The following RNF220 variants were observed in gnomAD, a reference collection of about 807,000 sequenced individuals.
RNF220 encodes ring finger protein 220.
RNF220 carries 7 observed loss-of-function variants against 67.1 expected under a neutral mutation model. The observed-to-expected ratio is 0.10, with a 90% CI of 0.06 to 0.20. The LOEUF is 0.20. Among genes scored for constraint, RNF220 ranks in the 10% least tolerant of loss-of-function variants. RNF220 has a pLI of 1.00. For missense variants in RNF220, 565 were observed against 740.3 expected (o/e 0.76, Z 2.75); for synonymous variants, 270 against 283.2 (o/e 0.95, Z 0.47).
chr1:44,476,801 C>T (rs1429975525), intron 2 of RNF220, among the ~76,000 whole-genome samples: 1 of 152,116 alleles, frequency 6.6e-6, no homozygotes, highest in East Asian at 1.9e-4. Flanking sequence ...TTTTTGTGAG[C>T]GTGCTTGTGT....
intron 8 of RNF220, among the ~76,000 whole-genome samples, chr1:44,638,004 G>A (rs1190349729): frequency 1.3e-5 from 2 of 152,378 alleles, no homozygotes. Flanking sequence ...ACGAGGCAGA[G>A]AGCGGGGCGC....
intron 2 of RNF220, among the ~76,000 whole-genome samples, chr1:44,465,830 C>T (rs1194617630): frequency 6.6e-6 from 1 of 152,094 alleles, no homozygotes; most frequent in Non-Finnish European, 1.5e-5. Context: ...TATTTCATTG[C>T]TTAAAAATGC....
intron 2 of RNF220, among the ~76,000 whole-genome samples, chr1:44,461,762 A>G (rs1653781135): frequency 2.0e-5 from 3 of 152,162 alleles, no homozygotes. Flanking sequence ...CTTAAAATGT[A>G]TGGATCCAGA....
intron 2 of RNF220, among the ~76,000 whole-genome samples, chr1:44,558,677 G>T (rs1183305883): frequency 6.6e-6 from 1 of 152,166 alleles, no homozygotes; most frequent in African/African-American, 2.4e-5. Context: ...CCAAGATCAC[G>T]CAGCTAGAAA....
At chr1:44,535,670 C>T (rs1479317113) in intron 2 of RNF220, among the ~76,000 whole-genome samples, 1 of 152,190 alleles carries the variant, frequency 6.6e-6, no homozygotes, top group Non-Finnish European at 1.5e-5. Context: ...TCCTTCGATA[C>T]ACCAGCACAG....
chr1:44,405,032 C>T (rs1487977347), upstream of RNF220, among the ~76,000 whole-genome samples: 1 of 152,122 alleles, frequency 6.6e-6, no homozygotes, highest in Non-Finnish European at 1.5e-5. Context: ...CTTTAGTTCA[C>T]AATGGCTCGC....
At chr1:44,466,296 A>G (rs1218408535) in intron 2 of RNF220, among the ~76,000 whole-genome samples, 1 of 152,148 alleles carries the variant, frequency 6.6e-6, no homozygotes, top group East Asian at 1.9e-4. Flanking sequence ...GGCTCCACTT[A>G]TTGTAATTCT....
intron 2 of RNF220, among the ~76,000 whole-genome samples, chr1:44,598,309 T>C (rs1017922011): frequency 6.6e-6 from 1 of 152,116 alleles, no homozygotes; most frequent in South Asian, 2.1e-4. Flanking sequence ...TTGCTATTAA[T>C]CACCCCTCCT....
chr1:44,459,084 G>C (rs929341754), intron 2 of RNF220, among the ~76,000 whole-genome samples: 2 of 152,126 alleles, frequency 1.3e-5, no homozygotes, highest in South Asian at 4.1e-4. Context: ...AAAAGAGAAT[G>C]TTCCCTTATG....
rs1161144089 is a variant in RNF220 at position 44,624,295 on chromosome 1, C to G, written c.804+1508C>G. Among the ~76,000 whole-genome samples, 5 of 152,208 alleles carry G rather than the reference C, an allele frequency of 3.3e-5. No homozygotes were observed. Among genetic ancestry groups the G allele is most frequent in the African/African-American group, 1.2e-4 (5 of 41,440 alleles). On this transcript the variant is annotated intron_variant, in intron 4 of 14. Coordinates refer to ENST00000361799, the MANE Select transcript of RNF220 (RefSeq NM_018150.4). The surrounding 1 kb of genome is among the most constrained non-coding windows in gnomAD (Gnocchi z 4.2). Reference sequence around the variant, plus strand: ...CCAAGTCGGCCACCACAGGTGACAGCTGACACCTGAGCATGGCTGGCAGGG... The same window carrying G: ...CCAAGTCGGCCACCACAGGTGACAGGTGACACCTGAGCATGGCTGGCAGGG...
intron 2 of RNF220, among the ~76,000 whole-genome samples, chr1:44,474,190 C>A (rs1479021520): frequency 6.6e-6 from 1 of 151,968 alleles, no homozygotes; most frequent in African/African-American, 2.4e-5. Context: ...GCCTGGCCAA[C>A]ATGGTGAAAC....
chr1:44,580,561 T>C (rs75351272), intron 2 of RNF220, among the ~76,000 whole-genome samples: 4,802 of 152,298 alleles, frequency 0.032, 212 homozygotes, highest in East Asian at 0.16. Context: ...TCAAGCTGTG[T>C]GTGAACTTTC....
chr1:44,603,525 C>A (rs1382289249), intron 2 of RNF220, among the ~76,000 whole-genome samples: 1 of 152,266 alleles, frequency 6.6e-6, no homozygotes. Context: ...ATTGTTGGCT[C>A]CGCCGCTGCT....
intron 2 of RNF220, among the ~76,000 whole-genome samples, chr1:44,539,407 C>A (rs1047477209): frequency 2.6e-5 from 4 of 152,040 alleles, no homozygotes; most frequent in Non-Finnish European, 4.4e-5. Flanking sequence ...TCCTTTTATT[C>A]TTTTGTTTTC....
chr1:44,639,205 C>T (rs1406816539), intron 8 of RNF220, among the ~76,000 whole-genome samples: 2 of 152,224 alleles, frequency 1.3e-5, no homozygotes, highest in Non-Finnish European at 2.9e-5. Flanking sequence ...CCTGCTTCCA[C>T]CTGTAGTCTA....
In RNF220 at chr1:44,649,512, T is replaced by G. The variant is rs952268759; in HGVS notation, c.1446-149T>G. On this transcript the variant is annotated intron_variant, in intron 12 of 14. Transcript: ENST00000361799. This position sits in a 1 kb window ranked among gnomAD's most constrained non-coding sequence, Gnocchi z 5.9. ...GGAGTTTAGTTCTGGAATGTGGAAT[T>G]TGCAGATTCAGGTTATCAGAGAAAG... 4.9e-5 allele frequency: 34 copies of G among 690,018 alleles called. No individual in the cohort carries two copies. The highest frequency in any genetic ancestry group is 2.9e-4 in the Middle Eastern group (1 of 3,490). The allele number at this position is 690,018 out of a possible 1,614,324, so 42.7% of individuals were successfully genotyped here. A position where few individuals can be genotyped will look rare whatever the true frequency, so the allele number is the denominator to read the frequency against.
intron 2 of RNF220, among the ~76,000 whole-genome samples, chr1:44,431,708 T>G (rs1220869476): frequency 4.6e-5 from 7 of 151,366 alleles, no homozygotes. Flanking sequence ...GGCCATCTTC[T>G]GAGTGGAGTC....
intron 2 of RNF220, among the ~76,000 whole-genome samples, chr1:44,534,151 CTT>C (rs1448908245): frequency 6.6e-6 from 1 of 151,910 alleles, no homozygotes; most frequent in Admixed American, 6.6e-5. Flanking sequence ...ATTTTGTTTA[CTT>C]TTTGTGCATG....
intron 8 of RNF220, among the ~76,000 whole-genome samples, chr1:44,637,761 T>G (rs979984666): frequency 1.3e-5 from 2 of 152,252 alleles, no homozygotes; most frequent in Non-Finnish European, 2.9e-5. Context: ...ACTGTGAGGT[T>G]GTTCCTTTCA....
Sources: gnomAD v4.1 joint callset for allele counts (sites outside exome capture counted in the v4.1 genomes callset) on GRCh38, gnomAD v4.1.1 for gene constraint, Gnocchi (gnomAD v3.1) non-coding constraint, MANE v1.5 for transcripts, NCBI Gene and HGNC (gene_info 2026-07-23, HGNC 2026-07-21) for gene names.